Variants in PTPRK observed in about 807,000 individuals in gnomAD.
PTPRK encodes protein tyrosine phosphatase receptor type K.
In PTPRK, 75 loss-of-function variants were observed where a neutral mutation model predicts 178.0. The ratio of observed to expected loss-of-function variants is 0.42; its 90% CI spans 0.35 to 0.51. The LOEUF is 0.51. Ranked by LOEUF, PTPRK falls within the 20% of genes least tolerant of loss-of-function variation. The probability of loss-of-function intolerance (pLI) is 0.02; values close to 1 mark genes in which losing one functional copy is unlikely to be tolerated. For missense variants in PTPRK, 1,441 were observed against 1,797.8 expected, an observed-to-expected ratio of 0.80 and a Z score of 3.59; for synonymous variants, 637 against 620.6, an observed-to-expected ratio of 1.03 and a Z score of -0.39.
chr6:128,033,040 G>A (rs1195822936), intron 13 of PTPRK, among the ~76,000 whole-genome samples: 1 of 152,206 alleles, frequency 6.6e-6, no homozygotes, highest in African/African-American at 2.4e-5. Context: ...TAGCTGATAG[G>A]AAGGTAGGTG....
chr6:128,459,540 A>G (rs1848775345), intron 1 of PTPRK, among the ~76,000 whole-genome samples: 2 of 152,222 alleles, frequency 1.3e-5, no homozygotes, highest in South Asian at 4.1e-4. Flanking sequence ...AGTCATTTGA[A>G]CCAGTGAAAC....
At chr6:128,312,820 G>T (rs1827436840) in intron 3 of PTPRK, among the ~76,000 whole-genome samples, 1 of 151,504 alleles carries the variant, frequency 6.6e-6, no homozygotes, top group Non-Finnish European at 1.5e-5. Context: ...TAAGAACTTA[G>T]CACTTGGTTG....
intron 19 of PTPRK, among the ~76,000 whole-genome samples, chr6:127,992,165 C>T (rs1026767732): frequency 6.6e-6 from 1 of 151,728 alleles, no homozygotes; most frequent in African/African-American, 2.4e-5. Flanking sequence ...ACCACTATAA[C>T]AAGATCTCTC....
At chr6:128,350,013 T>C (rs2128336509) in intron 2 of PTPRK, among the ~76,000 whole-genome samples, 1 of 152,208 alleles carries the variant, frequency 6.6e-6, no homozygotes, top group African/African-American at 2.4e-5. Context: ...ATCCACCCAC[T>C]AGTTTTAGAA....
chr6:128,008,201 T>C, intron 14 of PTPRK: 1 of 468,898 alleles, frequency 2.1e-6, no homozygotes, highest in Non-Finnish European at 3.5e-6. Context: ...AAGTATAAAA[T>C]AACTATAATA....
chr6:128,144,105 C>T (rs2114523518), intron 7 of PTPRK, among the ~76,000 whole-genome samples: 1 of 152,266 alleles, frequency 6.6e-6, no homozygotes, highest in Non-Finnish European at 1.5e-5. Context: ...TGTCCCACCA[C>T]AGCTAAGTGA....
intron 2 of PTPRK, among the ~76,000 whole-genome samples, chr6:128,396,626 T>C (rs1418081482): frequency 6.6e-6 from 1 of 152,120 alleles, no homozygotes; most frequent in Non-Finnish European, 1.5e-5. Flanking sequence ...AGATGAAACA[T>C]AATGCACACT....
chr6:128,408,773 T>C (rs570995997), intron 1 of PTPRK, among the ~76,000 whole-genome samples: 6 of 152,248 alleles, frequency 3.9e-5, no homozygotes, highest in South Asian at 2.1e-4. Flanking sequence ...CCAATGGCTA[T>C]AGGAAAAAAT....
At chr6:128,441,810 A>G (rs920215782) in intron 1 of PTPRK, among the ~76,000 whole-genome samples, 1 of 152,232 alleles carries the variant, frequency 6.6e-6, no homozygotes, top group African/African-American at 2.4e-5. Flanking sequence ...TATTGCAGTA[A>G]TAACAAAAGA....
At chr6:127,978,071 A>G (rs893145842) in intron 25 of PTPRK, among the ~76,000 whole-genome samples, 8 of 152,220 alleles carry the variant, frequency 5.3e-5, no homozygotes, top group Non-Finnish European at 1.0e-4. Context: ...GCTACCAACC[A>G]TGGCATTCAG....
At chr6:128,201,468 G>A (rs1805941767) in intron 6 of PTPRK, among the ~76,000 whole-genome samples, 1 of 152,152 alleles carries the variant, frequency 6.6e-6, no homozygotes, top group African/African-American at 2.4e-5. Flanking sequence ...CTAAAAAAAG[G>A]ACATGTGTGG....
intron 13 of PTPRK, among the ~76,000 whole-genome samples, chr6:128,045,624 C>A (rs566686252): frequency 6.6e-6 from 1 of 151,874 alleles, no homozygotes; most frequent in South Asian, 2.1e-4. Context: ...TAAAATATGG[C>A]AGGAAAAAAC....
chr6:127,999,476 C>G (rs1462978627), intron 15 of PTPRK, among the ~76,000 whole-genome samples: 1 of 152,036 alleles, frequency 6.6e-6, no homozygotes, highest in Non-Finnish European at 1.5e-5. Flanking sequence ...GCTAGCCAGA[C>G]TACACGTGCA....
At chr6:128,173,916 T>C (rs533885338) in intron 7 of PTPRK, among the ~76,000 whole-genome samples, 1 of 152,118 alleles carries the variant, frequency 6.6e-6, no homozygotes, top group South Asian at 2.1e-4. Context: ...TAATAAAAAT[T>C]CAAATAATTC....
intron 5 of PTPRK, among the ~76,000 whole-genome samples, chr6:128,227,119 T>C (rs1385035591): frequency 2.0e-5 from 3 of 152,180 alleles, no homozygotes; most frequent in Admixed American, 6.5e-5. Flanking sequence ...TTGGTAACCA[T>C]GTATTTGCTA....
chr6:128,402,988 C>A (rs1841223158), intron 1 of PTPRK, among the ~76,000 whole-genome samples: 1 of 152,144 alleles, frequency 6.6e-6, no homozygotes, highest in Admixed American at 6.6e-5. Flanking sequence ...AGGTCTAACT[C>A]CTTCATTAAG....
chr6:128,193,950 C>T (rs764776960), intron 6 of PTPRK, among the ~76,000 whole-genome samples: 2 of 151,612 alleles, frequency 1.3e-5, no homozygotes, highest in Non-Finnish European at 2.9e-5. Flanking sequence ...AGCTCATAAT[C>T]AAACTATAGG....
intron 3 of PTPRK, among the ~76,000 whole-genome samples, chr6:128,278,122 T>TA (rs1325726674): frequency 2.7e-5 from 4 of 147,324 alleles, no homozygotes; most frequent in African/African-American, 7.6e-5. Context: ...GTTTTTGTGT[T>TA]TTTTATTTAT....
At chr6:128,504,194 C>A (rs1855975396) in intron 1 of PTPRK, among the ~76,000 whole-genome samples, 1 of 152,182 alleles carries the variant, frequency 6.6e-6, no homozygotes, top group African/African-American at 2.4e-5. Context: ...CCCTCTTATT[C>A]TTTCAAAGCA....
Sources: allele counts gnomAD v4.1 joint callset (sites outside exome capture counted in the v4.1 genomes callset), GRCh38; gene constraint gnomAD v4.1.1; transcripts MANE v1.5; gene names NCBI Gene and HGNC (gene_info 2026-07-23, HGNC 2026-07-21).